Variants in TCF12 observed in about 807,000 individuals in gnomAD.
The protein encoded by TCF12 is DNA-binding protein HTF4.
A neutral mutation model predicts 86.0 loss-of-function variants in TCF12; 45 were observed. The observed-to-expected ratio is 0.52, with a 90% CI of 0.41 to 0.67. TCF12 has a LOEUF of 0.67. Ranked by LOEUF, TCF12 falls within the 30% of genes least tolerant of loss-of-function variation. The pLI is 0.00. For synonymous variants in TCF12, 330 were observed against 299.6 expected, an observed-to-expected ratio of 1.10 and a Z score of -1.05; for missense variants, 881 against 859.9, an observed-to-expected ratio of 1.02 and a Z score of -0.31.
intron 3 of TCF12, among the ~76,000 whole-genome samples, chr15:56,932,658 T>A (rs1808700388): frequency 6.6e-6 from 1 of 152,116 alleles, no homozygotes; most frequent in African/African-American, 2.4e-5. Context: ...AACCTTTGCC[T>A]TCCGGGTTCA....
At chr15:57,270,400 A>G (rs1161733016) in intron 18 of TCF12, among the ~76,000 whole-genome samples, 2 of 152,176 alleles carry the variant, frequency 1.3e-5, no homozygotes, top group Non-Finnish European at 2.9e-5. Context: ...TGTGGTTTTC[A>G]GCTCCATCAG....
At chr15:56,923,986 A>G (rs1389790367) in intron 3 of TCF12, among the ~76,000 whole-genome samples, 1 of 152,046 alleles carries the variant, frequency 6.6e-6, no homozygotes, top group Admixed American at 6.5e-5. Flanking sequence ...TTAAAAAGGA[A>G]TACAGTTTTT....
intron 6 of TCF12, among the ~76,000 whole-genome samples, chr15:57,170,670 T>TATAATATATA (rs1567557756): frequency 7.4e-4 from 9 of 12,118 alleles, no homozygotes; most frequent in African/African-American, 3.6e-3. Flanking sequence ...AATATATATA[T>TATAATATATA]ATATAATATA....
At chr15:56,931,322 G>C (rs987712227) in intron 3 of TCF12, among the ~76,000 whole-genome samples, 4 of 152,050 alleles carry the variant, frequency 2.6e-5, no homozygotes, top group African/African-American at 9.7e-5. Context: ...TCATCTTTTG[G>C]GCCAAGGAGT....
intron 3 of TCF12, among the ~76,000 whole-genome samples, chr15:57,004,041 T>C: frequency 6.6e-6 from 1 of 152,066 alleles, no homozygotes; most frequent in East Asian, 1.9e-4. Flanking sequence ...AGAAAATTGG[T>C]TTTTGTTTTT....
chr15:56,940,777 A>G (rs1342870754), intron 3 of TCF12, among the ~76,000 whole-genome samples: 2 of 128,464 alleles, frequency 1.6e-5, no homozygotes, highest in Non-Finnish European at 3.1e-5. Flanking sequence ...TTCTTCTGAG[A>G]TGAGGTCTAA....
chr15:57,165,385 C>T (rs1235091523), intron 5 of TCF12, among the ~76,000 whole-genome samples: 1 of 152,042 alleles, frequency 6.6e-6, no homozygotes, highest in Non-Finnish European at 1.5e-5. Flanking sequence ...GTAATTCCAT[C>T]TGTTTAAATA....
chr15:57,029,400 G>A (rs1346002577), intron 3 of TCF12, among the ~76,000 whole-genome samples: 3 of 151,846 alleles, frequency 2.0e-5, no homozygotes, highest in Admixed American at 6.6e-5. Context: ...CTGAGCCTTC[G>A]TACTTCCATA....
chr15:57,247,177 T>A, intron 13 of TCF12: 1 of 591,816 alleles, frequency 1.7e-6, no homozygotes, highest in Non-Finnish European at 3.1e-6. Flanking sequence ...ATATCCTTGG[T>A]CCATCACCAT....
chr15:57,022,867 G>C (rs1302683651), intron 3 of TCF12, among the ~76,000 whole-genome samples: 1 of 152,042 alleles, frequency 6.6e-6, no homozygotes, highest in Non-Finnish European at 1.5e-5. Context: ...TTCTTGTTGG[G>C]CCATGTGACT....
intron 3 of TCF12, among the ~76,000 whole-genome samples, chr15:56,955,399 T>C (rs1388312461): frequency 3.3e-5 from 5 of 151,174 alleles, no homozygotes; most frequent in Non-Finnish European, 7.4e-5. Flanking sequence ...CCAGGGCCTG[T>C]CGTAGGGTGG....
intron 3 of TCF12, among the ~76,000 whole-genome samples, chr15:57,015,440 G>C (rs2065097795): frequency 6.6e-6 from 1 of 152,174 alleles, no homozygotes; most frequent in African/African-American, 2.4e-5. Context: ...CAAAATAGCT[G>C]TCAATATCTT....
chr15:57,010,744 G>A (rs914421979), intron 3 of TCF12, among the ~76,000 whole-genome samples: 5 of 152,222 alleles, frequency 3.3e-5, no homozygotes, highest in African/African-American at 1.2e-4. Context: ...TGATATGACT[G>A]ATGTGGCCAG....
rs148561378 is a variant in TCF12 at position 57,192,221 on chromosome 15, C to T, written c.454C>T (p.Pro152Ser). The change falls in exon 7 of 21, where the codon CCT (proline) becomes TCT (serine). Residue 152 changes from proline (P) to serine (S), a missense_variant. Pro to Ser is a moderately conservative substitution (Grantham distance 74). Coordinates refer to ENST00000333725, the MANE Select transcript of TCF12 (RefSeq NM_207037.2). ...AGCACAGCTATCTTCTTCAGGAAAACCTGGGACAGCATACTATTCATTCTC... is the reference window on the plus strand; with the variant it reads ...AGCACAGCTATCTTCTTCAGGAAAATCTGGGACAGCATACTATTCATTCTC... ...SPAQLSSSGKPGTAYYSFSAT... is the reference protein window; with the variant it reads ...SPAQLSSSGKSGTAYYSFSAT... 4.1e-4 allele frequency: 662 copies of T among 1,614,096 alleles called. No homozygotes were observed. The highest frequency in any genetic ancestry group is 8.7e-4 in the Admixed American group (52 of 59,996).
At chr15:56,951,593 G>A (rs1441596678) in intron 3 of TCF12, among the ~76,000 whole-genome samples, 1 of 152,116 alleles carries the variant, frequency 6.6e-6, no homozygotes, top group Non-Finnish European at 1.5e-5. Flanking sequence ...TGTGCTTTTG[G>A]TGTTGTATCT....
intron 5 of TCF12, among the ~76,000 whole-genome samples, chr15:57,156,485 T>A (rs1360044501): frequency 6.6e-6 from 1 of 152,250 alleles, no homozygotes; most frequent in African/African-American, 2.4e-5. Flanking sequence ...AAATAGTTGA[T>A]GAATGGTAGC....
chr15:57,158,132 A>T (rs1343427890), intron 5 of TCF12, among the ~76,000 whole-genome samples: 2 of 151,046 alleles, frequency 1.3e-5, no homozygotes, highest in Non-Finnish European at 2.9e-5. Context: ...GAGTTGGTGA[A>T]TGTTTTGCAT....
chr15:57,094,930 A>G (rs1486961990), intron 5 of TCF12, among the ~76,000 whole-genome samples: 2 of 152,248 alleles, frequency 1.3e-5, no homozygotes, highest in African/African-American at 4.8e-5. Flanking sequence ...GATTTTGTAC[A>G]TTGCAAAAAT....
chr15:57,117,529 C>A (rs1272567999), intron 5 of TCF12, among the ~76,000 whole-genome samples: 1 of 152,162 alleles, frequency 6.6e-6, no homozygotes, highest in African/African-American at 2.4e-5. Flanking sequence ...TACTTTCCTA[C>A]AAGTATGATC....
Sources: gnomAD v4.1 joint callset for allele counts (sites outside exome capture counted in the v4.1 genomes callset) on GRCh38, gnomAD v4.1.1 for gene constraint, MANE v1.5 for transcripts, NCBI Gene and HGNC (gene_info 2026-07-23, HGNC 2026-07-21) for gene names.